Variants in COG7 observed in about 807,000 individuals in gnomAD.
COG7 encodes component of oligomeric golgi complex 7.
A neutral mutation model predicts 91.5 loss-of-function variants in COG7; 49 were observed. The observed-to-expected ratio is 0.54, with a 90% CI of 0.43 to 0.68. The LOEUF (loss-of-function observed/expected upper bound fraction) is 0.68, where lower values mean the gene tolerates loss of function less well. Among genes scored for constraint, COG7 ranks in the 30% least tolerant of loss-of-function variants. The probability of loss-of-function intolerance (pLI) is 0.00; values close to 1 mark genes in which losing one functional copy is unlikely to be tolerated. For missense variants in COG7, 895 were observed against 961.3 expected, an observed-to-expected ratio of 0.93 and a Z score of 0.91; for synonymous variants, 365 against 388.7, an observed-to-expected ratio of 0.94 and a Z score of 0.72.
At chr16:23,397,427 C>A (rs1963303488) in intron 14 of COG7, among the ~76,000 whole-genome samples, 1 of 152,104 alleles carries the variant, frequency 6.6e-6, no homozygotes, top group African/African-American at 2.4e-5. Flanking sequence ...AGCTAGACTG[C>A]AGGAAGTAAC....
chr16:23,422,071 A>C (rs958641954), intron 7 of COG7, among the ~76,000 whole-genome samples: 2 of 152,142 alleles, frequency 1.3e-5, no homozygotes, highest in African/African-American at 4.8e-5. Flanking sequence ...GCACTTTGAG[A>C]GGCCAAGGCA....
chr16:23,451,123 G>C (rs778703121), intron 1 of COG7, among the ~76,000 whole-genome samples: 3 of 152,176 alleles, frequency 2.0e-5, no homozygotes, highest in Non-Finnish European at 2.9e-5. Flanking sequence ...AACTCAGAAG[G>C]GGGAGGTTGC....
chr16:23,437,485 G>A (rs1964029758), intron 4 of COG7, among the ~76,000 whole-genome samples: 1 of 152,170 alleles, frequency 6.6e-6, no homozygotes, highest in South Asian at 2.1e-4. Flanking sequence ...TTAGAATTCT[G>A]TGAATGAAGA....
chr16:23,452,717 T>C, intron 1 of COG7, 109 bp downstream of exon 1: 1 of 1,493,136 alleles, frequency 6.7e-7, no homozygotes, highest in Non-Finnish European at 8.9e-7. Flanking sequence ...CCGAGGGTAT[T>C]TGCTGTCCAT....
At chr16:23,430,415 C>T (rs1278764245) in intron 6 of COG7, among the ~76,000 whole-genome samples, 2 of 145,350 alleles carry the variant, frequency 1.4e-5, no homozygotes, top group African/African-American at 5.1e-5. Context: ...GAAAACAGGG[C>T]AAGACCCTGT....
At chr16:23,439,906 C>A (rs537977718) in intron 4 of COG7, among the ~76,000 whole-genome samples, 1 of 152,066 alleles carries the variant, frequency 6.6e-6, no homozygotes, top group Non-Finnish European at 1.5e-5. Context: ...AAGAACACTT[C>A]CAAAGATTTT....
At chr16:23,390,022 T>C (rs1464597913) in intron 16 of COG7, 1 of 152,112 alleles carries the variant, frequency 6.6e-6, no homozygotes, top group Non-Finnish European at 1.5e-5. Context: ...GAAACGAACA[T>C]GAGAGCACCT....
intron 4 of COG7, 129 bp from the exon 5 acceptor site, chr16:23,434,847 ACTCATG>A (rs1335329120): frequency 1.4e-6 from 1 of 698,788 alleles, no homozygotes; most frequent in African/African-American, 1.8e-5. Context: ...TACTGAATTA[ACTCATG>A]CATGAGGATC....
chr16:23,443,137 A>C (rs1437334580), intron 3 of COG7, among the ~76,000 whole-genome samples: 1 of 152,220 alleles, frequency 6.6e-6, no homozygotes, highest in Non-Finnish European at 1.5e-5. Context: ...GAAAAATTAT[A>C]ATAGCTATTG....
intron 6 of COG7, among the ~76,000 whole-genome samples, chr16:23,429,884 G>C (rs1476311381): frequency 6.6e-6 from 1 of 152,192 alleles, no homozygotes; most frequent in Non-Finnish European, 1.5e-5. Flanking sequence ...CTGAGTGAAA[G>C]AAGCCTACAA....
chr16:23,431,133 T>C (rs1417366189), intron 6 of COG7, among the ~76,000 whole-genome samples: 1 of 152,174 alleles, frequency 6.6e-6, no homozygotes, highest in Non-Finnish European at 1.5e-5. Flanking sequence ...AAATGCACAC[T>C]GTACAACGTA....
At chr16:23,429,852 A>C (rs1413177575) in intron 6 of COG7, among the ~76,000 whole-genome samples, 1 of 152,212 alleles carries the variant, frequency 6.6e-6, no homozygotes, top group Non-Finnish European at 1.5e-5. Flanking sequence ...TACAAACAAC[A>C]CGAGCAAATC....
chr16:23,402,106 A>G (rs1035585039), intron 13 of COG7, among the ~76,000 whole-genome samples: 3 of 152,330 alleles, frequency 2.0e-5, no homozygotes, highest in East Asian at 3.9e-4. Context: ...TAATTCCTTT[A>G]GATTCATTTA....
At chr16:23,418,037 G>C (rs1048752907) in intron 8 of COG7, among the ~76,000 whole-genome samples, 3 of 152,192 alleles carry the variant, frequency 2.0e-5, no homozygotes, top group African/African-American at 7.2e-5. Flanking sequence ...ACATAGCATA[G>C]TGAACCTGCC....
At chr16:23,438,926 G>A (rs931881340) in intron 4 of COG7, among the ~76,000 whole-genome samples, 2 of 152,038 alleles carry the variant, frequency 1.3e-5, no homozygotes, top group African/African-American at 4.8e-5. Flanking sequence ...GGAAGGCCAA[G>A]ACGGGCGGAT....
intron 13 of COG7, 109 bp downstream of exon 13, chr16:23,403,585 G>T: frequency 1.4e-6 from 2 of 1,402,320 alleles, no homozygotes; most frequent in South Asian, 1.2e-5. Flanking sequence ...GAAAGTTAAA[G>T]CGGGATCTTC....
At chr16:23,392,583 C>CG in intron 15 of COG7, 60 bp from the exon 16 acceptor site, 2 of 1,600,390 alleles carry the variant, frequency 1.2e-6, no homozygotes, top group East Asian at 4.5e-5. Flanking sequence ...CTGAATGCAC[C>CG]AAAGTACCAG....
Position 23,406,117 on chromosome 16 carries a change from C to T in COG7, c.1621G>A (p.Ala541Thr). 6.2e-7 allele frequency: 1 copy of T among 1,614,138 alleles called. No homozygotes were observed. Among genetic ancestry groups the T allele is most frequent in the Non-Finnish European group, 8.5e-7 (1 of 1,180,002 alleles). ...EYNYLQKDNP[A>T]EYASLMEILY... ...ATTTCCATTAAACTGGCATATTCAG[C>T]AGGGTTATCTTTCTGGAGGTAATTA... is the stretch of plus-strand genomic sequence containing the variant. Residue 541 changes from alanine (A) to threonine (T), a missense_variant, in exon 12 of 17, where the codon GCT becomes ACT. Ala to Thr is a moderately conservative substitution (Grantham distance 58). Coordinates refer to ENST00000307149, the MANE Select transcript of COG7 (RefSeq NM_153603.4).
chr16:23,420,879 T>G lies in COG7; in HGVS notation c.1010-2052A>C, dbSNP rs1003086931. ...CCACCCCAGCCTCCTGAGTAGCTAG[T>G]ACTACAGGTGTATGCTACTATACCT... On this transcript the variant is annotated intron_variant, in intron 7 of 16. Transcript: ENST00000307149. 5.3e-5 allele frequency among the ~76,000 whole-genome samples: 8 copies of G among 151,264 alleles called. No individual in the cohort carries two copies. The South Asian group carries it at 6.3e-4, about 12-fold the overall frequency.
Sources: allele counts gnomAD v4.1 joint callset (sites outside exome capture counted in the v4.1 genomes callset), GRCh38; gene constraint gnomAD v4.1.1; transcripts MANE v1.5; gene names NCBI Gene and HGNC (gene_info 2026-07-23, HGNC 2026-07-21).